NKD2: variants seen among roughly 807,000 people sequenced by gnomAD.
NKD2 encodes NKD inhibitor of Wnt signaling pathway 2.
NKD2 carries 43 observed loss-of-function variants against 34.8 expected under a neutral mutation model. The observed-to-expected ratio is 1.24, with a 90% CI of 0.97 to 1.60. The LOEUF is 1.60. NKD2 is among the 40% of genes most tolerant of loss of function. NKD2 has a pLI of 0.00. For synonymous variants in NKD2, 278 were observed against 265.1 expected (o/e 1.05, Z -0.47); for missense variants, 675 against 627.1 (o/e 1.08, Z -0.82).
At chr5:1,031,363 C>T (rs1398601833) in intron 3 of NKD2, among the ~76,000 whole-genome samples, 9 of 152,152 alleles carry the variant, frequency 5.9e-5, no homozygotes, top group African/African-American at 1.9e-4. Flanking sequence ...TCCAGGTGGA[C>T]GGGACTGAGC....
At chr5:1,033,321 C>T in intron 4 of NKD2, 51 bp from the exon 5 acceptor site, 1 of 1,525,896 alleles carries the variant, frequency 6.6e-7, no homozygotes, top group South Asian at 1.2e-5. Flanking sequence ...TGGCGGGCCA[C>T]ATCCTCCATG....
At chr5:1,016,884 G>A (rs377175688) in intron 3 of NKD2, among the ~76,000 whole-genome samples, 2 of 151,404 alleles carry the variant, frequency 1.3e-5, no homozygotes, top group Admixed American at 6.6e-5. Context: ...TAACAGAGCC[G>A]ACCCCATCCT....
intron 5 of NKD2, 142 bp from the exon 6 acceptor site, chr5:1,034,093 G>T: frequency 1.6e-6 from 1 of 631,066 alleles, no homozygotes; most frequent in Non-Finnish European, 2.8e-6. Flanking sequence ...TTGAGCTCCA[G>T]CCACGCTGCC....
In NKD2 at chr5:1,038,176, CA is replaced by C; in HGVS notation, c.1163del (p.Lys388ArgfsTer40). 1 of 1,587,246 alleles carries C rather than the reference CA, an allele frequency of 6.3e-7. No homozygotes were observed. Among genetic ancestry groups the C allele is most frequent in the Admixed American group, 1.7e-5 (1 of 57,220 alleles). On this transcript the variant is annotated frameshift_variant, in exon 10 of 10. Coordinates refer to ENST00000296849, the MANE Select transcript of NKD2 (RefSeq NM_033120.4). LOFTEE classifies it low-confidence loss of function (END_TRUNC). The surrounding 1 kb of genome is among the most constrained non-coding windows in gnomAD (Gnocchi z 4.5). ...PPPYGHKRYR[Q>X]KGREGHSPLK... ...ACCCTACGGCCACAAGCGGTACCGC[CA>C]AAAGGGCAGGGAGGGCCACTCGCCA...
Position 1,038,554 on chromosome 5 carries a change from G to T in NKD2, c.*181G>T. On this transcript the variant is annotated 3_prime_UTR_variant, in exon 10 of 10. Coordinates refer to ENST00000296849, the MANE Select transcript of NKD2 (RefSeq NM_033120.4). This position sits in a 1 kb window ranked among gnomAD's most constrained non-coding sequence, Gnocchi z 4.5. Reference sequence around the variant, plus strand: ...GGAGGTGGTGCACCTTGGACACGTGGACAAGGCCCAGGCGCCCTCTGCTCT... The same window carrying T: ...GGAGGTGGTGCACCTTGGACACGTGTACAAGGCCCAGGCGCCCTCTGCTCT... The T allele has an allele frequency of 2.3e-6, 3 of 1,290,464 alleles. No individual in the cohort carries two copies. Among genetic ancestry groups the T allele is most frequent in the Non-Finnish European group, 3.2e-6 (3 of 924,854 alleles). The allele number at this position is 1,290,464 out of a possible 1,614,324, so 79.9% of individuals were successfully genotyped here. A position where few individuals can be genotyped will look rare whatever the true frequency, so the allele number is the denominator to read the frequency against.
chr5:1,031,364 G>A (rs1160948521), intron 3 of NKD2, among the ~76,000 whole-genome samples: 4 of 152,162 alleles, frequency 2.6e-5, no homozygotes, highest in Non-Finnish European at 5.9e-5. Flanking sequence ...CCAGGTGGAC[G>A]GGACTGAGCT....
chr5:1,014,113 G>A (rs1198439814), intron 3 of NKD2, among the ~76,000 whole-genome samples: 1 of 152,222 alleles, frequency 6.6e-6, no homozygotes, highest in African/African-American at 2.4e-5. Context: ...GAAGACAGGT[G>A]GCTGCACCCT....
Position 1,009,620 on chromosome 5 carries a change from T to C in NKD2, c.141+60T>C. The C allele has an allele frequency of 7.6e-7, 1 of 1,323,890 alleles. No homozygotes were observed. Among genetic ancestry groups the C allele is most frequent in the South Asian group, 1.7e-5 (1 of 59,420 alleles). 82.0% of individuals were successfully genotyped at this position (1,323,890 alleles called of 1,614,324 possible). On this transcript the variant is annotated intron_variant, in intron 3 of 9. Transcript: ENST00000296849. This position sits in a 1 kb window ranked among gnomAD's most constrained non-coding sequence, Gnocchi z 6.9. ...GCACCCGCCCGGGGGCGGGGAGCGG[T>C]GTCAGAGCTGTTCCTGGTGCCCGCC...
intron 3 of NKD2, among the ~76,000 whole-genome samples, chr5:1,027,453 C>T (rs914541253): frequency 1.3e-5 from 2 of 152,204 alleles, no homozygotes; most frequent in African/African-American, 2.4e-5. Flanking sequence ...GACACGCCCA[C>T]CCAGTTCTCT....
At chr5:1,035,728 C>G (rs1733871860) in intron 8 of NKD2, 1 of 536,258 alleles carries the variant, frequency 1.9e-6, no homozygotes, top group South Asian at 2.6e-5. Context: ...CACCCTCAGT[C>G]TGGACTTGCT....
rs774739096 is a variant in NKD2 at position 1,038,398 on chromosome 5, C to T, written c.*25C>T. On this transcript the variant is annotated 3_prime_UTR_variant, in exon 10 of 10. Coordinates refer to ENST00000296849, the MANE Select transcript of NKD2 (RefSeq NM_033120.4). This position sits in a 1 kb window ranked among gnomAD's most constrained non-coding sequence, Gnocchi z 4.5. ...GCGCCACTGCCAAGCACACCTCGCT[C>T]CCAGCACACCACAGCCCGCGACCTC... 3 of 1,535,732 alleles carry T rather than the reference C, an allele frequency of 2.0e-6. No homozygotes were observed. Among genetic ancestry groups the T allele is most frequent in the East Asian group, 2.4e-5 (1 of 40,880 alleles).
intron 3 of NKD2, among the ~76,000 whole-genome samples, chr5:1,012,389 G>A (rs1409011832): frequency 1.3e-5 from 2 of 152,266 alleles, no homozygotes; most frequent in Non-Finnish European, 2.9e-5. Context: ...TCTGCAGGAG[G>A]CAGCAGGCAC....
At chr5:1,035,168 GTGTT>G (rs147247043) in intron 7 of NKD2, among the ~76,000 whole-genome samples, 3,858 of 151,722 alleles carry the variant, frequency 0.025, 168 homozygotes, top group African/African-American at 0.088. Flanking sequence ...GAATGAGTGA[GTGTT>G]AATGAATGAG....
intron 9 of NKD2, among the ~76,000 whole-genome samples, chr5:1,037,251 C>G (rs949365579): frequency 6.6e-6 from 1 of 152,158 alleles, no homozygotes; most frequent in African/African-American, 2.4e-5. Context: ...CCAAGTCTCT[C>G]TCATAACCCC....
chr5:1,015,650 G>T (rs1390943208), intron 3 of NKD2, among the ~76,000 whole-genome samples: 1 of 152,244 alleles, frequency 6.6e-6, no homozygotes, highest in Non-Finnish European at 1.5e-5. Context: ...AGGAGCCACT[G>T]CTGGGGTGAG....
At chr5:1,037,626 A>G in intron 9 of NKD2, 179 bp from the exon 10 acceptor site, 2 of 1,535,900 alleles carry the variant, frequency 1.3e-6, no homozygotes, top group East Asian at 2.4e-5. Context: ...CAGGTCACCC[A>G]CAGTGGCCAG....
chr5:1,018,915 C>T (rs1560986332), intron 3 of NKD2, among the ~76,000 whole-genome samples: 2 of 152,164 alleles, frequency 1.3e-5, no homozygotes, highest in African/African-American at 4.8e-5. Context: ...TCCGAAAGGG[C>T]AGAGAGCACC....
In NKD2 at chr5:1,017,000, C is replaced by A. The variant is rs55912044; in HGVS notation, c.141+7440C>A. Among the ~76,000 whole-genome samples the A allele has an allele frequency of 3.5e-3, 534 of 152,210 alleles. 4 individuals carry two copies. Among genetic ancestry groups the A allele is most frequent in the African/African-American group, 0.012 (508 of 41,510 alleles). Reference sequence around the variant, plus strand: ...CAAAGGATAACAGAGCCGACCCCATCCTCCTTCCCACAAAGGATAACAGAG... The same window carrying A: ...CAAAGGATAACAGAGCCGACCCCATACTCCTTCCCACAAAGGATAACAGAG... On this transcript the variant is annotated intron_variant, in intron 3 of 9. Transcript: ENST00000296849.
At position 1,037,739 on chromosome 5, in the gene NKD2, G is replaced by A. The variant is rs528890628; in HGVS notation, c.788-66G>A. 3.6e-5 allele frequency: 57 copies of A among 1,570,146 alleles called. 1 individual carries two copies. The African/African-American group carries it at 4.6e-4, about 13-fold the overall frequency. ...CAGCTCTTCCAGTGGGCCCTGGGCCGTTTCTGAGGAGATGGGAACCTGAGC... is the reference window on the plus strand; with the variant it reads ...CAGCTCTTCCAGTGGGCCCTGGGCCATTTCTGAGGAGATGGGAACCTGAGC... On this transcript the variant is annotated intron_variant, in intron 9 of 9. Coordinates refer to ENST00000296849, the MANE Select transcript of NKD2 (RefSeq NM_033120.4).
Sources: allele counts gnomAD v4.1 joint callset (sites outside exome capture counted in the v4.1 genomes callset), GRCh38; gene constraint gnomAD v4.1.1; non-coding constraint Gnocchi (gnomAD v3.1); transcripts MANE v1.5; gene names NCBI Gene and HGNC (gene_info 2026-07-23, HGNC 2026-07-21).